LINGO2: variants seen among roughly 807,000 people sequenced by gnomAD.
LINGO2 encodes leucine-rich repeat and immunoglobulin-like domain-containing nogo receptor-interacting protein 2.
A neutral mutation model predicts 30.6 loss-of-function variants in LINGO2; 14 were observed. The observed-to-expected ratio is 0.46, with a 90% confidence interval of 0.30 to 0.72. The LOEUF (loss-of-function observed/expected upper bound fraction) is 0.72. Among genes scored for constraint, LINGO2 ranks in the 30% least tolerant of loss-of-function variants. The pLI, the probability that LINGO2 is intolerant of heterozygous loss-of-function variation, is 0.07. For synonymous variants in LINGO2, 317 were observed against 288.5 expected (o/e 1.10, Z -1.00); for missense variants, 729 against 751.7 (o/e 0.97, Z 0.35).
intron 1 of LINGO2, among the ~76,000 whole-genome samples, chr9:28,637,222 T>C (rs542175033): frequency 2.0e-5 from 3 of 152,306 alleles, no homozygotes; most frequent in Non-Finnish European, 2.9e-5. Context: ...TTGGTTACTG[T>C]AGCCTTGTAG....
At chr9:28,059,222 G>A (rs976475906) in intron 4 of LINGO2, among the ~76,000 whole-genome samples, 2 of 151,964 alleles carry the variant, frequency 1.3e-5, no homozygotes, top group African/African-American at 4.8e-5. Context: ...ATGCTAAACC[G>A]TCACAGCTGT....
At chr9:28,040,671 G>T (rs1185254256) in intron 4 of LINGO2, among the ~76,000 whole-genome samples, 1 of 151,994 alleles carries the variant, frequency 6.6e-6, no homozygotes, top group Non-Finnish European at 1.5e-5. Flanking sequence ...TAGCTGCTTT[G>T]CCTTGACTGT....
chr9:28,497,425 ATACCCTTTC>A (rs1224108988), intron 1 of LINGO2, among the ~76,000 whole-genome samples: 1 of 152,146 alleles, frequency 6.6e-6, no homozygotes, highest in Non-Finnish European at 1.5e-5. Flanking sequence ...TGAATCACTG[ATACCCTTTC>A]TTCCAGTTGA....
intron 4 of LINGO2, among the ~76,000 whole-genome samples, chr9:28,233,141 G>C (rs1051090472): frequency 6.9e-6 from 1 of 145,794 alleles, no homozygotes; most frequent in Admixed American, 6.8e-5. Flanking sequence ...TGTGTGGTCT[G>C]TGTGTGTGTG....
chr9:28,756,187 C>G, the LINGO2 span, among the ~76,000 whole-genome samples: 4 of 151,800 alleles, frequency 2.6e-5, no homozygotes, highest in African/African-American at 9.7e-5. Flanking sequence ...ATCAGCATGC[C>G]CTGGATGTGA....
rs1048211839 is a variant in LINGO2, at chr9:28,187,775, G to A, written c.-87+107433C>T. ...TGCATACTTACTAACTTAGACTATA[G>A]TGCATAATTGTTACTTCTTAACATA... On this transcript the variant is annotated intron_variant, in intron 4 of 5. Coordinates refer to ENST00000379992, the Ensembl canonical transcript of LINGO2. 1.1e-4 allele frequency among the ~76,000 whole-genome samples: 16 copies of A among 152,140 alleles called. 1 individual carries two copies. The highest frequency in any genetic ancestry group is 3.9e-4 in the African/African-American group (16 of 41,428).
chr9:28,943,789 T>A, the LINGO2 span, among the ~76,000 whole-genome samples: 2 of 152,012 alleles, frequency 1.3e-5, no homozygotes, highest in African/African-American at 4.8e-5. Context: ...GTGTAAGGAG[T>A]AAGATGTGCG....
chr9:28,531,753 T>G (rs925203242), intron 1 of LINGO2, among the ~76,000 whole-genome samples: 5 of 152,038 alleles, frequency 3.3e-5, no homozygotes, highest in African/African-American at 9.7e-5. Flanking sequence ...TGCCATTTAC[T>G]AAAGGCCAGC....
chr9:28,490,203 A>AAGTTCC (rs1564236866), intron 1 of LINGO2, among the ~76,000 whole-genome samples: 2 of 152,126 alleles, frequency 1.3e-5, no homozygotes, highest in Non-Finnish European at 2.9e-5. Flanking sequence ...AGTAAACTTC[A>AAGTTCC]AGTTCCAATA....
At chr9:28,456,283 G>T (rs1426574751) in intron 2 of LINGO2, among the ~76,000 whole-genome samples, 2 of 152,186 alleles carry the variant, frequency 1.3e-5, no homozygotes, top group Non-Finnish European at 2.9e-5. Flanking sequence ...CAACTACAGG[G>T]TCTGGCCTGG....
chr9:28,214,227 G>C (rs367687473), intron 4 of LINGO2, among the ~76,000 whole-genome samples: 1 of 151,456 alleles, frequency 6.6e-6, no homozygotes, highest in Non-Finnish European at 1.5e-5. Context: ...ATGCAGAAAA[G>C]CAATGGAACA....
chr9:28,874,823 C>T, the LINGO2 span, among the ~76,000 whole-genome samples: 6,546 of 152,136 alleles, frequency 0.043, 216 homozygotes, highest in Admixed American at 0.084. Context: ...TGTGGCTTTA[C>T]GCAACATTTC....
chr9:28,982,690 A>G, the LINGO2 span, among the ~76,000 whole-genome samples: 3 of 152,088 alleles, frequency 2.0e-5, no homozygotes, highest in Non-Finnish European at 2.9e-5. Flanking sequence ...ATACCAAAAT[A>G]TAGGGAAATT....
At chr9:28,061,269 T>C (rs544948485) in intron 4 of LINGO2, among the ~76,000 whole-genome samples, 1 of 150,684 alleles carries the variant, frequency 6.6e-6, no homozygotes, top group South Asian at 2.1e-4. Flanking sequence ...ATGCTGGTAG[T>C]GAGGCCTTCA....
chr9:28,751,288 CAAAA>C, the LINGO2 span, among the ~76,000 whole-genome samples: 1 of 82,018 alleles, frequency 1.2e-5, no homozygotes, highest in Non-Finnish European at 2.3e-5. Context: ...AAGATCCAGT[CAAAA>C]AAAAAAAAAA....
At chr9:28,675,905 G>GTATATATATATATATATA in the LINGO2 span, among the ~76,000 whole-genome samples, 292 of 125,976 alleles carry the variant, frequency 2.3e-3, 1 homozygote, top group South Asian at 6.9e-3. Context: ...GTGTGTGTAT[G>GTATATATATATATATATA]TATATATATA....
chr9:28,046,068 C>T (rs150714407), intron 4 of LINGO2, among the ~76,000 whole-genome samples: 1 of 152,094 alleles, frequency 6.6e-6, no homozygotes, highest in Non-Finnish European at 1.5e-5. Flanking sequence ...GGCATCCATC[C>T]GTTTTTGGGA....
intron 4 of LINGO2, among the ~76,000 whole-genome samples, chr9:28,025,400 C>T (rs944647): frequency 0.043 from 6,516 of 152,210 alleles, 231 homozygotes; most frequent in African/African-American, 0.095. Flanking sequence ...CTTTTGGCAG[C>T]GCTTGCAGGA....
At chr9:29,197,420 A>C in the LINGO2 span, among the ~76,000 whole-genome samples, 1 of 152,180 alleles carries the variant, frequency 6.6e-6, no homozygotes, top group South Asian at 2.1e-4. Flanking sequence ...AACTTGGCGT[A>C]GATCTTTGAA....
Sources: allele counts gnomAD v4.1 joint callset (sites outside exome capture counted in the v4.1 genomes callset), GRCh38; gene constraint gnomAD v4.1.1; transcripts MANE v1.5; gene names NCBI Gene and HGNC (gene_info 2026-07-23, HGNC 2026-07-21).